Variants in SLC25A24 observed in about 807,000 individuals in gnomAD.
SLC25A24 encodes the protein solute carrier family 25 member 24.
In SLC25A24, 49 loss-of-function variants were observed where a neutral mutation model predicts 60.7. The observed-to-expected ratio is 0.81, with a 90% CI of 0.64 to 1.02. SLC25A24 has a LOEUF of 1.02. SLC25A24 is among the 50% of genes least tolerant of loss of function. The pLI, the probability that SLC25A24 is intolerant of heterozygous loss-of-function variation, is 0.00. For synonymous variants in SLC25A24, 202 were observed against 200.6 expected (o/e 1.01, Z -0.06); for missense variants, 564 against 586.3 (o/e 0.96, Z 0.39).
At chr1:108,157,699 A>G in intron 4 of SLC25A24, 79 bp from the exon 5 acceptor site, 1 of 1,474,386 alleles carries the variant, frequency 6.8e-7, no homozygotes, top group Admixed American at 1.9e-5. Flanking sequence ...GAGAAGAATC[A>G]TGTTATTTTA....
intron 8 of SLC25A24, among the ~76,000 whole-genome samples, chr1:108,140,676 A>G (rs1485388057): frequency 6.6e-6 from 1 of 152,118 alleles, no homozygotes; most frequent in Non-Finnish European, 1.5e-5. Flanking sequence ...AGTTTTATAT[A>G]CCACTGAAGT....
intron 3 of SLC25A24, 88 bp from the exon 4 acceptor site, chr1:108,161,381 T>C (rs1472016628): frequency 2.8e-6 from 2 of 724,694 alleles, no homozygotes; most frequent in East Asian, 2.7e-5. Context: ...TGACAGTTTC[T>C]TTTCTAACAT....
At position 108,200,238 on chromosome 1, in the gene SLC25A24, G is replaced by A; in HGVS notation, c.-100C>T. ...CGCGAGGCCGGGCTGGGCGGGGCGC[G>A]CGGCGCAACAGCGTTTGGGGCGCCG... On this transcript the variant is annotated 5_prime_UTR_variant, in exon 1 of 10. Transcript: ENST00000565488. 1 of 1,229,384 alleles carries A rather than the reference G, an allele frequency of 8.1e-7. No individual in the cohort carries two copies. Among genetic ancestry groups the A allele is most frequent in the Non-Finnish European group, 1.1e-6 (1 of 940,408 alleles). The allele number at this position is 1,229,384 out of a possible 1,614,324, so 76.2% of individuals were successfully genotyped here.
At chr1:108,186,474 T>G (rs897101771) in intron 1 of SLC25A24, among the ~76,000 whole-genome samples, 2 of 152,024 alleles carry the variant, frequency 1.3e-5, no homozygotes, top group Non-Finnish European at 2.9e-5. Context: ...GGAGGATCAC[T>G]TGAGCCCAGG....
At chr1:108,160,793 T>C (rs938303282) in intron 4 of SLC25A24, among the ~76,000 whole-genome samples, 6 of 152,054 alleles carry the variant, frequency 3.9e-5, no homozygotes, top group Non-Finnish European at 8.8e-5. Context: ...ACCAAAAAAA[T>C]ACGAAAAACA....
At chr1:108,187,010 G>A (rs111456745) in intron 1 of SLC25A24, among the ~76,000 whole-genome samples, 1,972 of 151,734 alleles carry the variant, frequency 0.013, 49 homozygotes, top group African/African-American at 0.045. Flanking sequence ...CTGGGAGGTG[G>A]AGGTTGCTGT....
intron 2 of SLC25A24, among the ~76,000 whole-genome samples, chr1:108,182,398 C>A (rs1321594902): frequency 6.6e-6 from 1 of 152,130 alleles, no homozygotes; most frequent in East Asian, 1.9e-4. Context: ...AAAGTAGGAT[C>A]TATTCATTTT....
chr1:108,155,983 A>ACACACACT (rs1481382961), intron 5 of SLC25A24, among the ~76,000 whole-genome samples: 1 of 151,234 alleles, frequency 6.6e-6, no homozygotes, highest in African/African-American at 2.4e-5. Flanking sequence ...ACACACACAC[A>ACACACACT]CTCACAGAAC....
intron 1 of SLC25A24, among the ~76,000 whole-genome samples, chr1:108,187,922 T>TTATATATATATATA (rs1470627510): frequency 0.21 from 10,472 of 50,650 alleles, 847 homozygotes; most frequent in Middle Eastern, 0.32. Flanking sequence ...GGATAAGACA[T>TTATATATATATATA]TATAGATATA....
chr1:108,180,500 C>T (rs1647875627), intron 3 of SLC25A24, among the ~76,000 whole-genome samples: 1 of 152,102 alleles, frequency 6.6e-6, no homozygotes, highest in Admixed American at 6.6e-5. Flanking sequence ...AGGCCCTAAC[C>T]CACCGTGTGA....
chr1:108,178,535 C>G (rs1438184348), intron 3 of SLC25A24, among the ~76,000 whole-genome samples: 3 of 152,144 alleles, frequency 2.0e-5, no homozygotes. Context: ...AGAAATCAGG[C>G]CAGGCGCGGT....
intron 3 of SLC25A24, among the ~76,000 whole-genome samples, chr1:108,179,117 A>G (rs1647818414): frequency 1.4e-5 from 2 of 146,394 alleles, no homozygotes; most frequent in Admixed American, 1.4e-4. Flanking sequence ...AATGGCCAAA[A>G]AGTACAAAAA....
intron 1 of SLC25A24, among the ~76,000 whole-genome samples, chr1:108,188,134 C>A (rs1467786656): frequency 6.6e-6 from 1 of 151,718 alleles, no homozygotes; most frequent in Non-Finnish European, 1.5e-5. Context: ...AAATAGAAAA[C>A]CAAACACCAC....
chr1:108,148,321 G>C lies in SLC25A24; in HGVS notation c.888C>G (p.Ser296=), dbSNP rs978916638. ...AAGTCTGTGCAGTTGCTCCAGCCATGGAACCAGAAATAAATCTCTCAAATG... is the reference window on the plus strand; with the variant it reads ...AAGTCTGTGCAGTTGCTCCAGCCATCGAACCAGAAATAAATCTCTCAAATG... ...IGTFERFISG[S]MAGATAQTFI... The change falls in exon 7 of 10, where the codon TCC becomes TCG. Residue 296 remains serine (S), a synonymous_variant. Coordinates refer to ENST00000565488, the MANE Select transcript of SLC25A24 (RefSeq NM_013386.5). 6.2e-7 allele frequency: 1 copy of C among 1,612,938 alleles called. No individual in the cohort carries two copies. The highest frequency in any genetic ancestry group is 8.5e-7 in the Non-Finnish European group (1 of 1,178,996).
At chr1:108,179,064 A>G (rs940981044) in intron 3 of SLC25A24, among the ~76,000 whole-genome samples, 5 of 151,946 alleles carry the variant, frequency 3.3e-5, no homozygotes, top group African/African-American at 1.2e-4. Context: ...AACCTCAAAT[A>G]AACAACCAAA....
intron 1 of SLC25A24, among the ~76,000 whole-genome samples, chr1:108,190,617 T>C (rs186201467): frequency 1.8e-4 from 27 of 152,326 alleles, no homozygotes; most frequent in Non-Finnish European, 2.8e-4. Flanking sequence ...AAACAATATA[T>C]TGTTCAAAAA....
At chr1:108,160,931 G>C (rs983194015) in intron 4 of SLC25A24, among the ~76,000 whole-genome samples, 1 of 152,168 alleles carries the variant, frequency 6.6e-6, no homozygotes, top group Non-Finnish European at 1.5e-5. Flanking sequence ...GCATCAGAGG[G>C]AGACCGTGGA....
At position 108,181,935 on chromosome 1, in the gene SLC25A24, G is replaced by A. The variant is rs766184782; in HGVS notation, c.398+6C>T. ...AGTCAATTGTTGACCAACATGAAGA[G>A]CTTACCTTTGAAGAATCAACTCTGC... On this transcript the variant is annotated splice_donor_region_variant and intron_variant, in intron 3 of 9. Coordinates refer to ENST00000565488, the MANE Select transcript of SLC25A24 (RefSeq NM_013386.5). 3.1e-6 allele frequency: 5 copies of A among 1,594,378 alleles called. No individual in the cohort carries two copies. In the South Asian group the frequency reaches 5.5e-5, roughly 18 times the overall value.
chr1:108,182,115 G>T, intron 2 of SLC25A24, 87 bp from the exon 3 acceptor site: 1 of 969,892 alleles, frequency 1.0e-6, no homozygotes, highest in Non-Finnish European at 1.6e-6. Flanking sequence ...TCATTTAAGA[G>T]AAAGCTTTAA....
Sources: allele counts gnomAD v4.1 joint callset (sites outside exome capture counted in the v4.1 genomes callset), GRCh38; gene constraint gnomAD v4.1.1; transcripts MANE v1.5; gene names NCBI Gene and HGNC (gene_info 2026-07-23, HGNC 2026-07-21).